The following RAD51B variants were observed in gnomAD, a reference collection of about 807,000 sequenced individuals.
RAD51B encodes the protein DNA repair protein RAD51 homolog 2.
RAD51B carries 38 observed loss-of-function variants against 42.2 expected under a neutral mutation model. The observed-to-expected ratio is 0.90, with a 90% CI of 0.70 to 1.18. The LOEUF is 1.18. Ranked by LOEUF, RAD51B falls within the 50% of genes most tolerant of loss-of-function variation. The probability of loss-of-function intolerance (pLI) is 0.00; values close to 1 mark genes in which losing one functional copy is unlikely to be tolerated. For missense variants in RAD51B, 373 were observed against 400.7 expected (o/e 0.93, Z 0.59); for synonymous variants, 154 against 145.2 (o/e 1.06, Z -0.43).
intron 7 of RAD51B, among the ~76,000 whole-genome samples, chr14:67,982,892 G>A (rs1394540538): frequency 1.3e-5 from 2 of 151,872 alleles, no homozygotes; most frequent in East Asian, 1.9e-4. Context: ...AGTGAGACAC[G>A]AATATCTACA....
At chr14:68,398,295 T>A (rs2083985829) in intron 8 of RAD51B, among the ~76,000 whole-genome samples, 1 of 152,232 alleles carries the variant, frequency 6.6e-6, no homozygotes, top group Non-Finnish European at 1.5e-5. Context: ...ATTCATCAGA[T>A]GCACTTAGGC....
At chr14:68,277,783 G>C (rs987808904) in intron 7 of RAD51B, among the ~76,000 whole-genome samples, 3 of 152,048 alleles carry the variant, frequency 2.0e-5, no homozygotes, top group Non-Finnish European at 4.4e-5. Flanking sequence ...TTGTCATCCA[G>C]GCTGGAGTGT....
chr14:68,481,823 A>G (rs1164350345), downstream of RAD51B, among the ~76,000 whole-genome samples: 1 of 152,230 alleles, frequency 6.6e-6, no homozygotes, highest in Admixed American at 6.5e-5. Flanking sequence ...TACTACACAC[A>G]CAATAGTAAA....
chr14:68,587,186 G>C (rs767438123), intron 10 of RAD51B, among the ~76,000 whole-genome samples: 20 of 152,196 alleles, frequency 1.3e-4, no homozygotes, highest in Non-Finnish European at 2.5e-4. Context: ...ACAAAAGAGG[G>C]GGAGAGTGGT....
At chr14:68,268,210 A>G (rs948811291) in intron 7 of RAD51B, among the ~76,000 whole-genome samples, 5 of 152,098 alleles carry the variant, frequency 3.3e-5, no homozygotes, top group African/African-American at 1.2e-4. Flanking sequence ...GGTCCTGCTT[A>G]TTTTTCTTGA....
chr14:68,051,892 GT>G (rs2076399630), intron 7 of RAD51B, among the ~76,000 whole-genome samples: 1 of 151,444 alleles, frequency 6.6e-6, no homozygotes, highest in Non-Finnish European at 1.5e-5. Context: ...GTGTGTGTGT[GT>G]GTGTGTAAAA....
At chr14:68,195,649 C>A (rs1209897461) in intron 7 of RAD51B, among the ~76,000 whole-genome samples, 1 of 152,156 alleles carries the variant, frequency 6.6e-6, no homozygotes, top group African/African-American at 2.4e-5. Flanking sequence ...TAGCTTACAC[C>A]TGTAATCCCA....
chr14:67,898,573 A>T (rs1197289301), intron 7 of RAD51B, among the ~76,000 whole-genome samples: 5 of 152,218 alleles, frequency 3.3e-5, no homozygotes, highest in Non-Finnish European at 7.3e-5. Flanking sequence ...TTGTGTTCTT[A>T]TCCCATACAC....
rs537685612 is a variant in RAD51B at position 68,665,582 on chromosome 14, C to T, written c.*11+14726C>T. Among the ~76,000 whole-genome samples, 320 of 152,302 alleles carry T rather than the reference C, an allele frequency of 2.1e-3. 2 individuals carry two copies. The highest frequency in any genetic ancestry group is 7.2e-3 in the African/African-American group (299 of 41,556). On this transcript the variant is annotated intron_variant, in intron 11 of 11. Coordinates refer to the RAD51B transcript ENST00000488612. ...GTCAGGAGAAGAACTCAAGGGAAGA[C>T]GCTTTACTAATAGGACTGTATGGCC...
chr14:67,968,885 C>G (rs1419968796), intron 7 of RAD51B, among the ~76,000 whole-genome samples: 1 of 152,134 alleles, frequency 6.6e-6, no homozygotes, highest in East Asian at 1.9e-4. Context: ...AGTCTGTTTT[C>G]ATGCAGCTGA....
chr14:68,324,949 T>C (rs1377162539), intron 8 of RAD51B, among the ~76,000 whole-genome samples: 1 of 152,228 alleles, frequency 6.6e-6, no homozygotes, highest in Non-Finnish European at 1.5e-5. Context: ...CTCTGTTGTA[T>C]ATGTCTCTGA....
intron 11 of RAD51B, among the ~76,000 whole-genome samples, chr14:68,669,767 C>T (rs1358058158): frequency 6.6e-6 from 1 of 152,200 alleles, no homozygotes; most frequent in Non-Finnish European, 1.5e-5. Context: ...CACATGGCCC[C>T]TGGCCTTCTG....
chr14:68,648,626 G>T (rs1237685877), intron 10 of RAD51B, among the ~76,000 whole-genome samples: 1 of 148,344 alleles, frequency 6.7e-6, no homozygotes, highest in Non-Finnish European at 1.5e-5. Context: ...GCTTAACGAA[G>T]AATTTTTAAA....
At chr14:67,975,384 T>A (rs2074974181) in intron 7 of RAD51B, among the ~76,000 whole-genome samples, 1 of 152,228 alleles carries the variant, frequency 6.6e-6, no homozygotes, top group Non-Finnish European at 1.5e-5. Context: ...CTAATCAAAT[T>A]TCTGTTGGTC....
chr14:68,607,785 C>T (rs1891509021), intron 10 of RAD51B, among the ~76,000 whole-genome samples: 2 of 152,136 alleles, frequency 1.3e-5, no homozygotes. Flanking sequence ...AGGGCCAAAG[C>T]CATTCTGCGG....
intron 7 of RAD51B, among the ~76,000 whole-genome samples, chr14:68,167,509 C>T (rs1448907628): frequency 1.3e-5 from 2 of 152,104 alleles, no homozygotes; most frequent in Admixed American, 1.3e-4. Flanking sequence ...CAACGTCCAG[C>T]TCAGTGGTTG....
intron 7 of RAD51B, among the ~76,000 whole-genome samples, chr14:68,128,675 G>T (rs926544076): frequency 6.6e-6 from 1 of 152,176 alleles, no homozygotes. Context: ...CTAGGTGACA[G>T]AGTGAGACCC....
chr14:68,416,087 G>A (rs1473998700), intron 9 of RAD51B, among the ~76,000 whole-genome samples: 2 of 152,186 alleles, frequency 1.3e-5, no homozygotes, highest in African/African-American at 4.8e-5. Context: ...CTAGTAAATT[G>A]TTGACAGAAC....
At chr14:68,522,893 G>A (rs1886680544) in intron 10 of RAD51B, among the ~76,000 whole-genome samples, 1 of 152,116 alleles carries the variant, frequency 6.6e-6, no homozygotes, top group Non-Finnish European at 1.5e-5. Flanking sequence ...CCCTGACTCA[G>A]GAACAATTTG....
Sources: allele counts gnomAD v4.1 joint callset (sites outside exome capture counted in the v4.1 genomes callset), GRCh38; gene constraint gnomAD v4.1.1; transcripts MANE v1.5; gene names NCBI Gene and HGNC (gene_info 2026-07-23, HGNC 2026-07-21).